DNAH9: variants seen among roughly 807,000 people sequenced by gnomAD.
DNAH9 encodes DNAH9 variant protein.
Under a neutral mutation model 471.6 loss-of-function variants are expected in DNAH9, and 345 were observed. That is an observed-to-expected ratio of 0.73 (90% confidence interval 0.67 to 0.80). DNAH9 has a LOEUF of 0.80. Ranked by LOEUF, DNAH9 falls within the 30% of genes least tolerant of loss-of-function variation. DNAH9 has a pLI of 0.00. For missense variants in DNAH9, 5,407 were observed against 5,609.2 expected, an observed-to-expected ratio of 0.96 and a Z score of 1.15; for synonymous variants, 2,093 against 2,123.6, an observed-to-expected ratio of 0.99 and a Z score of 0.40.
rs59748847 is a variant in DNAH9, at chr17:11,605,674, A to ATT, written c.418-2445_418-2444dup. 5.5e-5 allele frequency among the ~76,000 whole-genome samples: 8 copies of ATT among 145,042 alleles called. 1 individual carries two copies. Among genetic ancestry groups the ATT allele is most frequent in the East Asian group, 2.0e-4 (1 of 4,972 alleles). On this transcript the variant is annotated intron_variant, in intron 1 of 68. Transcript: ENST00000262442. ...GCCACTACAACCGGGCAATTTTTCT[A>ATT]TTTTTTTTTTTGTACAGATGAGGTC...
At chr17:11,866,657 C>T (rs769882888) in intron 50 of DNAH9, among the ~76,000 whole-genome samples, 32 of 152,236 alleles carry the variant, frequency 2.1e-4, no homozygotes, top group Non-Finnish European at 4.0e-4. Context: ...CCTCCTTGAG[C>T]TGTGGTGGGC....
At chr17:11,825,907 T>G (rs1970472323) in intron 48 of DNAH9, among the ~76,000 whole-genome samples, 1 of 152,214 alleles carries the variant, frequency 6.6e-6, no homozygotes, top group African/African-American at 2.4e-5. Context: ...GGACTTTTCT[T>G]GACTAAATAT....
intron 5 of DNAH9, 110 bp downstream of exon 5, chr17:11,617,732 T>C (rs2150652443): frequency 1.4e-6 from 1 of 736,978 alleles, no homozygotes. Context: ...ATAATTATGT[T>C]CCAAAGAGTT....
intron 28 of DNAH9, among the ~76,000 whole-genome samples, chr17:11,733,273 G>A (rs2075296507): frequency 6.6e-6 from 1 of 152,218 alleles, no homozygotes; most frequent in Non-Finnish European, 1.5e-5. Context: ...ACGAGAAAAA[G>A]CCAAGATCCC....
intron 68 of DNAH9, among the ~76,000 whole-genome samples, chr17:11,966,543 C>T (rs1976740905): frequency 6.6e-6 from 1 of 152,116 alleles, no homozygotes; most frequent in Non-Finnish European, 1.5e-5. Flanking sequence ...AGAATATTGA[C>T]AAAGGCAATT....
At chr17:11,876,722 TG>T (rs1346796866) in intron 53 of DNAH9, among the ~76,000 whole-genome samples, 1 of 152,096 alleles carries the variant, frequency 6.6e-6, no homozygotes. Context: ...TTTGTTTGTT[TG>T]TTTGTTTGTT....
intron 32 of DNAH9, among the ~76,000 whole-genome samples, chr17:11,748,288 C>T (rs1220891055): frequency 6.6e-6 from 1 of 152,000 alleles, no homozygotes. Flanking sequence ...GATCGTGCCA[C>T]TGCACTCCAG....
intron 67 of DNAH9, among the ~76,000 whole-genome samples, chr17:11,959,437 G>A (rs909565910): frequency 4.6e-5 from 7 of 152,306 alleles, no homozygotes; most frequent in African/African-American, 1.7e-4. Context: ...TACATTGCAT[G>A]TAGCAATGAA....
At position 11,969,394 on chromosome 17, in the gene DNAH9, G is replaced by A. The variant is rs769959757; in HGVS notation, c.13328G>A (p.Arg4443His). ...KAIPADKQDC[R>H]SVYSCPVYKT... is the part of the protein sequence containing the mutation. ...ATTCCTGCAGATAAGCAGGACTGCC[G>A]CAGTGTCTATTCCTGTCCTGTGTAC... Residue 4443 changes from arginine to histidine, a missense_variant, in exon 69 of 69, where the codon CGC becomes CAC. Arg to His is a conservative substitution (Grantham distance 29). Transcript: ENST00000262442. The A allele has an allele frequency of 1.5e-5, 24 of 1,613,870 alleles. No homozygotes were observed. In the East Asian group the frequency reaches 1.8e-4, roughly 12 times the overall value.
Position 11,679,797 on chromosome 17 carries a change from G to C in DNAH9, c.3394G>C (p.Gly1132Arg). 1.2e-6 allele frequency: 2 copies of C among 1,614,084 alleles called. No homozygotes were observed. Among genetic ancestry groups the C allele is most frequent in the Non-Finnish European group, 1.7e-6 (2 of 1,179,998 alleles). The part of the protein sequence containing the change: ...LDAFIKKSES[G>R]LLKKVEKGDF... Reference sequence around the variant, plus strand: ...TGCGTTTATAAAGAAGAGTGAGAGCGGCTTACTCAAGAAAGTTGAAAAAGG... The same window carrying C: ...TGCGTTTATAAAGAAGAGTGAGAGCCGCTTACTCAAGAAAGTTGAAAAAGG... The change falls in exon 18 of 69, where the codon GGC (glycine) becomes CGC (arginine). Residue 1132 changes from glycine (G) to arginine (R), a missense_variant. This residue lies in a region of DNAH9 where 4,636 missense variants were observed against 4,900.3 expected (regional missense o/e 0.95). Transcript: ENST00000262442.
chr17:11,744,343 G>A (rs2075481897), intron 30 of DNAH9, among the ~76,000 whole-genome samples: 1 of 152,066 alleles, frequency 6.6e-6, no homozygotes, highest in Non-Finnish European at 1.5e-5. Context: ...GTGACCAGGG[G>A]GTTCATATTT....
intron 31 of DNAH9, among the ~76,000 whole-genome samples, chr17:11,746,255 T>C (rs1044077931): frequency 5.9e-5 from 9 of 152,006 alleles, no homozygotes; most frequent in Admixed American, 1.3e-4. Flanking sequence ...CTTACAATCA[T>C]GGCAGAAGGT....
intron 50 of DNAH9, among the ~76,000 whole-genome samples, chr17:11,860,944 C>G (rs1011644394): frequency 1.3e-5 from 2 of 151,996 alleles, no homozygotes; most frequent in African/African-American, 4.8e-5. Flanking sequence ...TGCACAGTTT[C>G]CCCTCTTTCC....
At chr17:11,763,709 G>A (rs1967816968) in intron 36 of DNAH9, 95 bp downstream of exon 36, 2 of 1,225,726 alleles carry the variant, frequency 1.6e-6, no homozygotes, top group Non-Finnish European at 2.3e-6. Flanking sequence ...ACAGCTAAAT[G>A]TCAGAATGGA....
At position 11,691,504 on chromosome 17, in the gene DNAH9, G is replaced by T. The variant is rs2074331261; in HGVS notation, c.4614+1068G>T. Among the ~76,000 whole-genome samples the T allele has an allele frequency of 3.9e-5, 6 of 152,232 alleles. No homozygotes were observed. The South Asian group carries it at 1.2e-3, about 32-fold the overall frequency. ...ATATGTAAACACATTTACTTTCCCT[G>T]TAATAACAATGAAACAGAAACAATT... On this transcript the variant is annotated intron_variant, in intron 20 of 68. Coordinates refer to ENST00000262442, the MANE Select transcript of DNAH9 (RefSeq NM_001372.4).
At chr17:11,703,191 A>G (rs916129199) in intron 24 of DNAH9, among the ~76,000 whole-genome samples, 4 of 152,104 alleles carry the variant, frequency 2.6e-5, no homozygotes, top group Admixed American at 2.6e-4. Context: ...AAAGGAGTCC[A>G]CACTGCAGAG....
intron 38 of DNAH9, among the ~76,000 whole-genome samples, chr17:11,779,722 A>C (rs969916416): frequency 1.3e-5 from 2 of 152,184 alleles, no homozygotes; most frequent in African/African-American, 2.4e-5. Flanking sequence ...CAACCCATGA[A>C]TTATATTTCA....
chr17:11,692,679 C>CTT (rs145422578), intron 20 of DNAH9, among the ~76,000 whole-genome samples: 1 of 148,598 alleles, frequency 6.7e-6, no homozygotes, highest in Non-Finnish European at 1.5e-5. Flanking sequence ...TGTTATCCGC[C>CTT]TTTTTTTTTT....
At chr17:11,889,151 G>A (rs1181602857) in intron 57 of DNAH9, among the ~76,000 whole-genome samples, 1 of 152,198 alleles carries the variant, frequency 6.6e-6, no homozygotes, top group Non-Finnish European at 1.5e-5. Flanking sequence ...GGGTTCTCCT[G>A]CAGATTGATG....
Sources: allele counts gnomAD v4.1 joint callset (sites outside exome capture counted in the v4.1 genomes callset), GRCh38; gene constraint gnomAD v4.1.1; regional missense constraint gnomAD v4.1.1; transcripts MANE v1.5; gene names NCBI Gene and HGNC (gene_info 2026-07-23, HGNC 2026-07-21).